Variants in GRIK2 observed in about 807,000 individuals in gnomAD.
GRIK2 encodes glutamate receptor ionotropic, kainate 2.
GRIK2 carries 32 observed loss-of-function variants against 100.3 expected under a neutral mutation model. The ratio of observed to expected loss-of-function variants is 0.32; its 90% CI spans 0.24 to 0.43. The LOEUF is 0.43. GRIK2 is among the 20% of genes least tolerant of loss of function. GRIK2 has a pLI of 1.00. For missense variants in GRIK2, 843 were observed against 1,114.9 expected (o/e 0.76, Z 3.47); for synonymous variants, 417 against 389.4 (o/e 1.07, Z -0.83).
intron 7 of GRIK2, among the ~76,000 whole-genome samples, chr6:101,744,134 G>T (rs1776226550): frequency 2.6e-5 from 4 of 151,924 alleles, no homozygotes; most frequent in African/African-American, 9.7e-5. Flanking sequence ...AGTAGAGACG[G>T]GGTTTCAACA....
At chr6:101,823,115 C>T (rs753806099) in intron 10 of GRIK2, among the ~76,000 whole-genome samples, 1 of 151,526 alleles carries the variant, frequency 6.6e-6, no homozygotes, top group African/African-American at 2.4e-5. Context: ...CTAGTCTCTG[C>T]ACTCCCCTCA....
At chr6:101,729,691 A>AAGAGAG (rs150655159) in intron 7 of GRIK2, among the ~76,000 whole-genome samples, 3 of 149,746 alleles carry the variant, frequency 2.0e-5, no homozygotes, top group South Asian at 4.2e-4. Flanking sequence ...GTGGTGTGGG[A>AAGAGAG]AGAGAGAGAG....
At chr6:101,614,246 A>G (rs991546090) in intron 2 of GRIK2, among the ~76,000 whole-genome samples, 1 of 151,768 alleles carries the variant, frequency 6.6e-6, no homozygotes, top group Non-Finnish European at 1.5e-5. Flanking sequence ...TGCATTAAGA[A>G]CAAAATGAGT....
At chr6:101,839,229 G>T (rs1192070035) in intron 10 of GRIK2, among the ~76,000 whole-genome samples, 1 of 152,110 alleles carries the variant, frequency 6.6e-6, no homozygotes, top group Non-Finnish European at 1.5e-5. Context: ...ACTTTGGTTG[G>T]GTGCCAGTAG....
At chr6:102,031,440 C>T (rs1769993531) in intron 14 of GRIK2, among the ~76,000 whole-genome samples, 2 of 89,534 alleles carry the variant, frequency 2.2e-5, no homozygotes, top group Non-Finnish European at 2.0e-5. Flanking sequence ...ACATATTTTA[C>T]TTATTTATTT....
At chr6:101,751,969 C>T (rs1232406850) in intron 7 of GRIK2, among the ~76,000 whole-genome samples, 1 of 152,018 alleles carries the variant, frequency 6.6e-6, no homozygotes, top group African/African-American at 2.4e-5. Context: ...TCACTTTCTC[C>T]TCACTTATTA....
chr6:101,707,173 G>C, intron 7 of GRIK2, among the ~76,000 whole-genome samples: 1 of 151,492 alleles, frequency 6.6e-6, no homozygotes, highest in Non-Finnish European at 1.5e-5. Flanking sequence ...GGGGCAGTGT[G>C]GGCTTATAGA....
At chr6:101,941,131 CAATTAT>C (rs965859016) in intron 14 of GRIK2, among the ~76,000 whole-genome samples, 1 of 152,018 alleles carries the variant, frequency 6.6e-6, no homozygotes, top group African/African-American at 2.4e-5. Context: ...AAATAAATTA[CAATTAT>C]AACTATCTAA....
intron 7 of GRIK2, among the ~76,000 whole-genome samples, chr6:101,787,757 G>A (rs1371352042): frequency 6.6e-6 from 1 of 152,114 alleles, no homozygotes; most frequent in Non-Finnish European, 1.5e-5. Context: ...GTGTGCTGAT[G>A]AGAAGAATGT....
chr6:101,920,416 G>A (rs1366983622), intron 12 of GRIK2, among the ~76,000 whole-genome samples: 1 of 151,880 alleles, frequency 6.6e-6, no homozygotes, highest in Non-Finnish European at 1.5e-5. Flanking sequence ...TTTTCAGAAA[G>A]TTGTGCATAT....
At chr6:101,649,787 A>G (rs893802374) in intron 4 of GRIK2, among the ~76,000 whole-genome samples, 2 of 152,102 alleles carry the variant, frequency 1.3e-5, no homozygotes, top group African/African-American at 4.8e-5. Flanking sequence ...GCTAAGAGTA[A>G]AGGGAGAAAG....
At chr6:101,963,354 G>C (rs1792434427) in intron 14 of GRIK2, among the ~76,000 whole-genome samples, 1 of 113,294 alleles carries the variant, frequency 8.8e-6, no homozygotes, top group South Asian at 3.1e-4. Context: ...CTGGAGTGCA[G>C]TGGCACCATC....
chr6:101,562,387 G>T (rs1161802279), intron 2 of GRIK2, among the ~76,000 whole-genome samples: 2 of 152,082 alleles, frequency 1.3e-5, no homozygotes, highest in Non-Finnish European at 2.9e-5. Context: ...TGCCCAAGCT[G>T]GAATGCAGTG....
intron 2 of GRIK2, among the ~76,000 whole-genome samples, chr6:101,502,492 T>A (rs1200097615): frequency 6.6e-6 from 1 of 151,984 alleles, no homozygotes; most frequent in Non-Finnish European, 1.5e-5. Context: ...ACATAGAAAA[T>A]AAAAAATGAA....
chr6:102,049,451 T>C (rs1231310363), intron 15 of GRIK2, among the ~76,000 whole-genome samples: 1 of 152,138 alleles, frequency 6.6e-6, no homozygotes, highest in Non-Finnish European at 1.5e-5. Flanking sequence ...ATGGGGACAT[T>C]AATAAGCGAG....
rs947532767 is a variant in GRIK2, at chr6:101,517,369, T to A, written c.116-104580T>A. ...TAAGTGTTAAGCGAATTATATTGTT[T>A]GAAATGGGGTGCTCCTGCACCCTTT... On this transcript the variant is annotated intron_variant, in intron 2 of 16. Transcript: ENST00000369134. Among the ~76,000 whole-genome samples, 4 of 152,238 alleles carry A rather than the reference T, an allele frequency of 2.6e-5. No homozygotes were observed. The East Asian group carries it at 7.7e-4, about 29-fold the overall frequency.
At chr6:101,870,736 T>G (rs1271659897) in intron 11 of GRIK2, among the ~76,000 whole-genome samples, 1 of 151,776 alleles carries the variant, frequency 6.6e-6, no homozygotes, top group African/African-American at 2.4e-5. Context: ...TTGGGTAAAG[T>G]TGGTAAACTT....
intron 7 of GRIK2, among the ~76,000 whole-genome samples, chr6:101,774,823 G>C (rs1339386033): frequency 6.6e-6 from 1 of 151,800 alleles, no homozygotes; most frequent in African/African-American, 2.4e-5. Context: ...AAACAAATAG[G>C]ATTTTCTGCT....
At chr6:102,012,019 A>G (rs867966468) in intron 14 of GRIK2, among the ~76,000 whole-genome samples, 25 of 152,128 alleles carry the variant, frequency 1.6e-4, no homozygotes, top group Non-Finnish European at 3.2e-4. Context: ...ATTTCACTCT[A>G]TGATCCATTT....
Sources: allele counts gnomAD v4.1 joint callset (sites outside exome capture counted in the v4.1 genomes callset), GRCh38; gene constraint gnomAD v4.1.1; transcripts MANE v1.5; gene names NCBI Gene and HGNC (gene_info 2026-07-23, HGNC 2026-07-21).